The following ZNF568 variants were observed in gnomAD, a reference collection of about 807,000 sequenced individuals.
The protein encoded by ZNF568 is zinc finger protein 568.
In ZNF568, 11 loss-of-function variants were observed where a neutral mutation model predicts 18.1. That is an observed-to-expected ratio of 0.61 (90% CI 0.38 to 1.00). The LOEUF is 1.00. ZNF568 is among the 50% of genes least tolerant of loss of function. The probability of loss-of-function intolerance (pLI) is 0.01; values close to 1 mark genes in which losing one functional copy is unlikely to be tolerated. For missense variants in ZNF568, 639 were observed against 768.2 expected, an observed-to-expected ratio of 0.83 and a Z score of 1.99; for synonymous variants, 213 against 246.6, an observed-to-expected ratio of 0.86 and a Z score of 1.28.
In ZNF568 at chr19:36,950,351, T is replaced by G; in HGVS notation, c.1198T>G (p.Ser400Ala). Residue 400 changes from serine to alanine, a missense_variant, in exon 7 of 7, where the codon TCT becomes GCT. Ser to Ala is a moderately conservative substitution (Grantham distance 99). Transcript: ENST00000333987. Reference sequence around the variant, plus strand: ...ATGTAATAAATGTGGAAAAGCTTTCTCTCAATGCTCAGTATTTATTATACA... The same window carrying G: ...ATGTAATAAATGTGGAAAAGCTTTCGCTCAATGCTCAGTATTTATTATACA... ...YKCNKCGKAF[S>A]QCSVFIIHMR... 1.9e-6 allele frequency: 3 copies of G among 1,613,788 alleles called. No individual in the cohort carries two copies. Among genetic ancestry groups the G allele is most frequent in the Non-Finnish European group, 2.5e-6 (3 of 1,179,830 alleles).
chr19:36,953,635 G>C (rs542055707), downstream of ZNF568, among the ~76,000 whole-genome samples: 2 of 152,328 alleles, frequency 1.3e-5, no homozygotes, highest in East Asian at 3.9e-4. Flanking sequence ...GATAGGGCCA[G>C]ACGCAGTAGC....
At chr19:36,922,524 G>A (rs138542603) in intron 2 of ZNF568, 62 bp from the exon 3 acceptor site, 3,984 of 366,616 alleles carry the variant, frequency 0.011, 50 homozygotes, top group African/African-American at 0.025. Flanking sequence ...CTTGGAAGCT[G>A]GTTATCACAG....
At position 36,939,532 on chromosome 19, in the gene ZNF568, C is replaced by CTTTTTTTT. The variant is rs386388962; in HGVS notation, c.358+2308_358+2315dup. Among the ~76,000 whole-genome samples, 368 of 93,076 alleles carry CTTTTTTTT rather than the reference C, an allele frequency of 4.0e-3. 22 individuals carry two copies. The highest frequency in any genetic ancestry group is 0.013 in the East Asian group (34 of 2,654). 61.1% of individuals were successfully genotyped at this position (93,076 alleles called of 152,430 possible). On this transcript the variant is annotated intron_variant, in intron 6 of 6. Coordinates refer to ENST00000333987, the MANE Select transcript of ZNF568 (RefSeq NM_198539.4). Reference sequence around the variant, plus strand: ...GGTTCATTGAAGATGTATTTTCTTTCTTTTTTTTTTTTTTTTTTTTTTTTT... The same window carrying CTTTTTTTT: ...GGTTCATTGAAGATGTATTTTCTTTCTTTTTTTTTTTTTTTTTTTTTTTTTTTTTTTTT...
At chr19:36,949,425 A>AC (rs913112234) in intron 6 of ZNF568, 87 bp from the exon 7 acceptor site, 1 of 1,348,916 alleles carries the variant, frequency 7.4e-7, no homozygotes, top group African/African-American at 1.5e-5. Context: ...CAAAGATTAA[A>AC]CCCCACATTA....
downstream of ZNF568, among the ~76,000 whole-genome samples, chr19:36,954,696 G>A (rs1003119172): frequency 1.3e-5 from 2 of 151,284 alleles, no homozygotes; most frequent in Non-Finnish European, 2.9e-5. Flanking sequence ...AGCCTCCCAA[G>A]CAGCTGGGAC....
intron 6 of ZNF568, among the ~76,000 whole-genome samples, chr19:36,947,272 C>T (rs2073983231): frequency 6.6e-6 from 1 of 152,154 alleles, no homozygotes; most frequent in African/African-American, 2.4e-5. Flanking sequence ...CCTCGGCCTC[C>T]CAAAGTGCGG....
chr19:36,953,961 C>G (rs909205371), downstream of ZNF568, among the ~76,000 whole-genome samples: 1 of 149,480 alleles, frequency 6.7e-6, no homozygotes, highest in Admixed American at 6.7e-5. Flanking sequence ...TGGTGGCTCA[C>G]GCCTGTAATC....
At chr19:36,926,227 T>G (rs2073551465) in intron 4 of ZNF568, among the ~76,000 whole-genome samples, 2 of 152,188 alleles carry the variant, frequency 1.3e-5, no homozygotes, top group South Asian at 2.1e-4. Flanking sequence ...CAAAATTACG[T>G]ATTCTCTGCT....
At chr19:36,947,646 TA>T (rs988997124) in intron 6 of ZNF568, among the ~76,000 whole-genome samples, 20 of 152,182 alleles carry the variant, frequency 1.3e-4, no homozygotes, top group African/African-American at 4.8e-4. Context: ...CTCTTCTTTT[TA>T]GTCCCACTCT....
chr19:36,955,559 A>G (rs8101062), downstream of ZNF568, among the ~76,000 whole-genome samples: 35,586 of 152,088 alleles, frequency 0.23, 4,206 homozygotes, highest in South Asian at 0.29. Context: ...TAAGATAGAT[A>G]TAAGTGACTG....
intron 6 of ZNF568, among the ~76,000 whole-genome samples, chr19:36,958,616 C>CTTTTTTTTTTTTTTTTTTTTT (rs35494587): frequency 1.0e-4 from 10 of 99,128 alleles, no homozygotes; most frequent in East Asian, 2.9e-4. Context: ...CTTTTTCTTT[C>CTTTTTTTTTTTTTTTTTTTTT]TTTTTTTTTT....
At chr19:36,945,200 CAGAG>C (rs1032484628) in intron 6 of ZNF568, among the ~76,000 whole-genome samples, 2 of 131,234 alleles carry the variant, frequency 1.5e-5, no homozygotes, top group African/African-American at 2.9e-5. Context: ...GGAAGAGAGA[CAGAG>C]AGAGAAGTGT....
chr19:36,937,947 G>C (rs1174815273), intron 6 of ZNF568, among the ~76,000 whole-genome samples: 1 of 151,958 alleles, frequency 6.6e-6, no homozygotes, highest in Non-Finnish European at 1.5e-5. Context: ...TCTTATCCTG[G>C]ACATGGTCCC....
At chr19:36,953,359 G>A (rs1447193850), downstream of ZNF568, among the ~76,000 whole-genome samples, 1 of 152,122 alleles carries the variant, frequency 6.6e-6, no homozygotes, top group East Asian at 1.9e-4. Flanking sequence ...GTGGCCATAA[G>A]CAATTGTGTA....
chr19:36,930,666 AT>A (rs1311237544), intron 4 of ZNF568, among the ~76,000 whole-genome samples: 2 of 152,066 alleles, frequency 1.3e-5, no homozygotes, highest in African/African-American at 4.8e-5. Flanking sequence ...GGGATTATCT[AT>A]TTCTGAAACA....
chr19:36,994,883 C>G (rs1424264825), intron 4 of ZNF568, among the ~76,000 whole-genome samples: 1 of 152,084 alleles, frequency 6.6e-6, no homozygotes, highest in Non-Finnish European at 1.5e-5. Flanking sequence ...AACTCCTGAC[C>G]TCGAGATCTG....
At chr19:36,974,345 G>A in intron 6 of ZNF568, 1 of 1,316,998 alleles carries the variant, frequency 7.6e-7, no homozygotes. Context: ...GGGTGGGGCA[G>A]GAGTTTGGCC....
At chr19:36,936,702 C>G (rs778055837) in intron 4 of ZNF568, 44 bp from the exon 5 acceptor site, 9 of 1,584,898 alleles carry the variant, frequency 5.7e-6, no homozygotes, top group Non-Finnish European at 7.8e-6. Context: ...ATCACAATGC[C>G]TAATTTTGAT....
chr19:36,997,513 CATCAT>C (rs766272250), downstream of ZNF568: 42 of 1,588,304 alleles, frequency 2.6e-5, no homozygotes, highest in Non-Finnish European at 3.3e-5. Context: ...AGAACTCACA[CATCAT>C]GAGAGAAGTC....
Sources: allele counts gnomAD v4.1 joint callset (sites outside exome capture counted in the v4.1 genomes callset), GRCh38; gene constraint gnomAD v4.1.1; transcripts MANE v1.5; gene names NCBI Gene and HGNC (gene_info 2026-07-23, HGNC 2026-07-21).